IL4R: variants seen among roughly 807,000 people sequenced by gnomAD.
IL4R encodes the protein interleukin 4 receptor.
A neutral mutation model predicts 41.5 loss-of-function variants in IL4R; 17 were observed. The observed-to-expected ratio is 0.41, with a 90% confidence interval of 0.28 to 0.61. The LOEUF (loss-of-function observed/expected upper bound fraction) is 0.61, where lower values mean the gene tolerates loss of function less well. IL4R is among the 20% of genes least tolerant of loss of function. The probability of loss-of-function intolerance (pLI) is 0.31; values close to 1 mark genes in which losing one functional copy is unlikely to be tolerated. For missense variants in IL4R, 974 were observed against 1,043.1 expected (o/e 0.93, Z 0.91); for synonymous variants, 402 against 422.9 (o/e 0.95, Z 0.61).
At chr16:27,334,072 C>T (rs772671876) in intron 2 of IL4R, among the ~76,000 whole-genome samples, 1 of 151,848 alleles carries the variant, frequency 6.6e-6, no homozygotes, top group African/African-American at 2.4e-5. Flanking sequence ...TTAGTAGAGA[C>T]TGAGTTTCAC....
At chr16:27,335,704 T>G (rs1424468468) in intron 2 of IL4R, among the ~76,000 whole-genome samples, 2 of 152,148 alleles carry the variant, frequency 1.3e-5, no homozygotes, top group African/African-American at 4.8e-5. Flanking sequence ...CAAGCCTATC[T>G]GGTACTTTTC....
At chr16:27,355,382 T>C in intron 7 of IL4R, 1 of 283,920 alleles carries the variant, frequency 3.5e-6, no homozygotes, top group Non-Finnish European at 7.1e-6. Flanking sequence ...CATTATCTAT[T>C]GATTCATCAT....
rs749954771 is a variant in IL4R, at chr16:27,352,582, A to G, written c.556A>G (p.Ile186Val). Residue 186 changes from isoleucine (I) to valine (V), a missense_variant, in exon 7 of 11, where the codon ATC becomes GTC. Physicochemically the swap from Ile to Val is conservative, Grantham distance 29. Coordinates refer to ENST00000395762, the MANE Select transcript of IL4R (RefSeq NM_000418.4). Reference protein sequence around the residue: ...NVTYLEPSLRIAASTLKSGIS... With the variant: ...NVTYLEPSLRVAASTLKSGIS... ...GACCTACCTAGAACCCTCCCTCCGC[A>G]TCGCAGCCAGCACCCTGAAGTCTGG... The G allele has an allele frequency of 1.2e-5, 19 of 1,614,172 alleles. No individual in the cohort carries two copies. Among genetic ancestry groups the G allele is most frequent in the South Asian group, 3.3e-5 (3 of 91,082 alleles).
At position 27,328,205 on chromosome 16, in the gene IL4R, CAAA is replaced by C. The variant is rs779355998; in HGVS notation, c.-151-1845_-151-1843del. ...CTGGTGACAAAGCTAGGCTCCATCT[CAAA>C]AAAAAAAAAAAAAAAGATTGTTGAA... is the stretch of plus-strand genomic sequence containing the variant. On this transcript the variant is annotated intron_variant, in intron 1 of 10. Transcript: ENST00000395762. Among the ~76,000 whole-genome samples, 37 of 70,506 alleles carry C rather than the reference CAAA, an allele frequency of 5.2e-4. 1 individual carries two copies. The highest frequency in any genetic ancestry group is 1.8e-3 in the African/African-American group (35 of 19,818). The allele number at this position is 70,506 out of a possible 152,430, so 46.3% of individuals were successfully genotyped here.
At chr16:27,346,380 G>C in intron 5 of IL4R, 87 bp from the exon 6 acceptor site, 1 of 1,389,280 alleles carries the variant, frequency 7.2e-7, no homozygotes, top group Non-Finnish European at 1.0e-6. Context: ...AAATCTGGGT[G>C]GTGGCTGTGG....
chr16:27,330,402 A>G (rs2141091936), intron 2 of IL4R, among the ~76,000 whole-genome samples: 1 of 146,802 alleles, frequency 6.8e-6, no homozygotes, highest in East Asian at 2.0e-4. Context: ...AAAAAAAAAG[A>G]AAAGAAAAAG....
At chr16:27,332,004 A>C (rs1034366418) in intron 2 of IL4R, among the ~76,000 whole-genome samples, 2 of 151,646 alleles carry the variant, frequency 1.3e-5, no homozygotes, top group African/African-American at 4.8e-5. Flanking sequence ...TTGAGACAGG[A>C]TCTTTCTCTG....
At chr16:27,324,557 C>T (rs978709321) in intron 1 of IL4R, among the ~76,000 whole-genome samples, 1 of 152,208 alleles carries the variant, frequency 6.6e-6, no homozygotes. Context: ...GAGCACCAAA[C>T]ACATAAGGCC....
At chr16:27,329,818 G>C (rs1395613064) in intron 1 of IL4R, among the ~76,000 whole-genome samples, 2 of 152,066 alleles carry the variant, frequency 1.3e-5, no homozygotes, top group African/African-American at 4.8e-5. Flanking sequence ...TACTGGGACA[G>C]ACATAAACAG....
chr16:27,331,635 TCCTTCCAAAGGGATG>T (rs2085114133), intron 2 of IL4R, among the ~76,000 whole-genome samples: 1 of 152,074 alleles, frequency 6.6e-6, no homozygotes, highest in Non-Finnish European at 1.5e-5. Context: ...ACAGCAGTAT[TCCTTCCAAAGGGATG>T]CCAAGTTGTG....
chr16:27,362,424 G>A lies in IL4R; in HGVS notation c.1072G>A (p.Val358Met), dbSNP rs372264723. ...KTVLWPESISVVRCVELFEAP... is the reference protein window; with the variant it reads ...KTVLWPESISMVRCVELFEAP... Reference sequence around the variant, plus strand: ...AGTCCTCTGGCCAGAGAGCATCAGCGTGGTGCGATGTGTGGAGTTGTTTGA... The same window carrying A: ...AGTCCTCTGGCCAGAGAGCATCAGCATGGTGCGATGTGTGGAGTTGTTTGA... The change falls in exon 11 of 11, where the codon GTG (valine) becomes ATG (methionine). Residue 358 changes from valine (V) to methionine (M), a missense_variant. By Grantham distance (21) the Val-to-Met change is conservative. Coordinates refer to ENST00000395762, the MANE Select transcript of IL4R (RefSeq NM_000418.4). 3.6e-5 allele frequency: 58 copies of A among 1,614,014 alleles called. No individual in the cohort carries two copies. The highest frequency in any genetic ancestry group is 1.6e-4 in the Middle Eastern group (1 of 6,084).
intron 2 of IL4R, among the ~76,000 whole-genome samples, chr16:27,339,755 C>T (rs2085376705): frequency 6.6e-6 from 1 of 151,904 alleles, no homozygotes; most frequent in Non-Finnish European, 1.5e-5. Flanking sequence ...TCGGCAGAGA[C>T]ACAAATGGCC....
intron 2 of IL4R, among the ~76,000 whole-genome samples, chr16:27,335,104 T>A (rs946895797): frequency 6.6e-6 from 1 of 152,092 alleles, no homozygotes; most frequent in Non-Finnish European, 1.5e-5. Context: ...GTCTGACGTT[T>A]CCAAATGATG....
At chr16:27,341,875 G>A (rs927121543) in intron 3 of IL4R, among the ~76,000 whole-genome samples, 9 of 152,190 alleles carry the variant, frequency 5.9e-5, no homozygotes, top group Non-Finnish European at 7.3e-5. Context: ...GTGAGATAAA[G>A]GTGCACTTGG....
chr16:27,362,806 C>A lies in IL4R; in HGVS notation c.1454C>A (p.Thr485Lys). Residue 485 changes from threonine to lysine, a missense_variant, in exon 11 of 11, where the codon ACA (threonine) becomes AAA (lysine). Physicochemically the swap from Thr to Lys is moderately conservative, Grantham distance 78. Around this residue, in one of 3 missense-constraint regions of IL4R, gnomAD observed 682 missense variants for 704.3 expected, o/e 0.97. Coordinates refer to ENST00000395762, the MANE Select transcript of IL4R (RefSeq NM_000418.4). ...CAGAGTCCAGACAACCTGACTTGCA[C>A]AGAGACGCCCCTCGTCATCGCAGGC... ...PTQSPDNLTC[T>K]ETPLVIAGNP... 6.2e-7 allele frequency: 1 copy of A among 1,614,202 alleles called. No individual in the cohort carries two copies. Among genetic ancestry groups the A allele is most frequent in the Non-Finnish European group, 8.5e-7 (1 of 1,180,046 alleles).
rs1421728521 is a variant in IL4R, at chr16:27,362,795, C to T, written c.1443C>T (p.Asn481=). ...CCAGCCCGACCCAGAGTCCAGACAA[C>T]CTGACTTGCACAGAGACGCCCCTCG... The part of the protein sequence containing the change: ...PPASPTQSPD[N]LTCTETPLVI... Residue 481 remains asparagine (N), a synonymous_variant, in exon 11 of 11, where the codon AAC becomes AAT. Coordinates refer to ENST00000395762, the MANE Select transcript of IL4R (RefSeq NM_000418.4). 6.2e-7 allele frequency: 1 copy of T among 1,614,058 alleles called. No homozygotes were observed. The highest frequency in any genetic ancestry group is 1.3e-5 in the African/African-American group (1 of 74,936).
At position 27,363,147 on chromosome 16, in the gene IL4R, G is replaced by A. The variant is rs2086365449; in HGVS notation, c.1795G>A (p.Gly599Arg). The part of the protein sequence containing the change: ...ASAVVGLGPP[G>R]EAGYKAFSSL... ...TGCGGTGGTGGGCTTGGGTCCCCCA[G>A]GAGAGGCTGGTTACAAGGCCTTCTC... Residue 599 changes from glycine (G) to arginine (R), a missense_variant, in exon 11 of 11, where the codon GGA (glycine) becomes AGA (arginine). Around this residue, in one of 3 missense-constraint regions of IL4R, gnomAD observed 682 missense variants for 704.3 expected, o/e 0.97. Coordinates refer to ENST00000395762, the MANE Select transcript of IL4R (RefSeq NM_000418.4). 2 of 1,613,290 alleles carry A rather than the reference G, an allele frequency of 1.2e-6. No individual in the cohort carries two copies. Among genetic ancestry groups the A allele is most frequent in the African/African-American group, 1.3e-5 (1 of 74,930 alleles).
chr16:27,360,218 C>T (rs3024665), intron 9 of IL4R, among the ~76,000 whole-genome samples: 122,181 of 152,110 alleles, frequency 0.8, 52,299 homozygotes, highest in Non-Finnish European at 0.94. Flanking sequence ...TTCTTCATGT[C>T]GGTCAGGCTG....
intron 4 of IL4R, among the ~76,000 whole-genome samples, chr16:27,342,694 G>C (rs140693931): frequency 6.6e-6 from 1 of 152,238 alleles, no homozygotes; most frequent in East Asian, 1.9e-4. Context: ...AGGTCTCACT[G>C]TGTTGCCCAG....
Sources: allele counts gnomAD v4.1 joint callset (sites outside exome capture counted in the v4.1 genomes callset), GRCh38; gene constraint gnomAD v4.1.1; regional missense constraint gnomAD v4.1.1; transcripts MANE v1.5; gene names NCBI Gene and HGNC (gene_info 2026-07-23, HGNC 2026-07-21).